Variants in KLHL14 observed in about 807,000 individuals in gnomAD.
KLHL14 encodes the protein kelch like family member 14, also known as kelch-like protein 14.
In KLHL14, 22 loss-of-function variants were observed where a neutral mutation model predicts 64.3. That is an observed-to-expected ratio of 0.34 (90% confidence interval 0.24 to 0.49). The LOEUF is 0.49. KLHL14 is among the 20% of genes least tolerant of loss of function. KLHL14 has a pLI of 0.99. For synonymous variants in KLHL14, 322 were observed against 333.4 expected (o/e 0.97, Z 0.37); for missense variants, 661 against 789.0 (o/e 0.84, Z 1.94).
chr18:32,769,980 C>T lies in KLHL14; in HGVS notation c.612G>A (p.Leu204=). Residue 204 remains leucine, a synonymous_variant, in exon 2 of 9, where the codon CTG becomes CTA. Coordinates refer to ENST00000359358, the MANE Select transcript of KLHL14 (RefSeq NM_020805.3). ...ALHGLEETKK[L]ANKYLVEDVL... is the part of the protein sequence containing the mutation. ...CATCCTCCACCAGGTACTTGTTGGC[C>T]AGCTTCTTGGTCTCCTCCAGGCCGT... The T allele has an allele frequency of 6.2e-7, 1 of 1,614,218 alleles. No homozygotes were observed. The highest frequency in any genetic ancestry group is 2.2e-5 in the East Asian group (1 of 44,878).
chr18:32,719,608 G>A (rs531153215), intron 3 of KLHL14, among the ~76,000 whole-genome samples: 4 of 152,302 alleles, frequency 2.6e-5, no homozygotes, highest in African/African-American at 9.6e-5. Flanking sequence ...TGCTTAAGCT[G>A]CTCTTGTCGT....
rs2049822620 is a variant in KLHL14, at chr18:32,678,593, G to A, written c.1589-1263C>T. Among the ~76,000 whole-genome samples, 4 of 152,128 alleles carry A rather than the reference G, an allele frequency of 2.6e-5. No homozygotes were observed. The South Asian group carries it at 8.3e-4, about 32-fold the overall frequency. On this transcript the variant is annotated intron_variant, in intron 7 of 8. Coordinates refer to ENST00000359358, the MANE Select transcript of KLHL14 (RefSeq NM_020805.3). ...TGGGCAAATTCCAGGTTCTGACCTT[G>A]GAGGCATCATTTGAAGATATATGTG...
chr18:32,728,434 CAA>C (rs1490162797), intron 3 of KLHL14, among the ~76,000 whole-genome samples: 21 of 152,268 alleles, frequency 1.4e-4, no homozygotes, highest in African/African-American at 5.1e-4. Flanking sequence ...ATTAAATTAA[CAA>C]ATGCAAGTGA....
chr18:32,707,891 T>C (rs1431624637), intron 3 of KLHL14, among the ~76,000 whole-genome samples: 1 of 152,192 alleles, frequency 6.6e-6, no homozygotes, highest in African/African-American at 2.4e-5. Context: ...GTTCTCCTAG[T>C]GAGTCACTGA....
At chr18:32,697,573 ATTATC>A (rs937609598) in intron 3 of KLHL14, among the ~76,000 whole-genome samples, 1 of 152,154 alleles carries the variant, frequency 6.6e-6, no homozygotes, top group Non-Finnish European at 1.5e-5. Flanking sequence ...GAAAAACGGT[ATTATC>A]TTTTTTTAAA....
At chr18:32,708,740 A>T (rs1424631604) in intron 3 of KLHL14, among the ~76,000 whole-genome samples, 2 of 152,094 alleles carry the variant, frequency 1.3e-5, no homozygotes. Flanking sequence ...AGCTGAAAGG[A>T]GAACACTTTC....
intron 3 of KLHL14, among the ~76,000 whole-genome samples, chr18:32,706,688 T>C (rs571764328): frequency 7.4e-4 from 113 of 152,312 alleles, no homozygotes; most frequent in African/African-American, 2.6e-3. Context: ...TCAGTCTATA[T>C]ATACAAAGAT....
chr18:32,770,299 G>GGCTGCTGCTGCTGTGACGGCT lies in KLHL14; in HGVS notation c.272_292dup (p.Gln91_Gln97dup). On this transcript the variant is annotated inframe_insertion, in exon 2 of 9. Transcript: ENST00000359358. The surrounding 1 kb of genome is among the most constrained non-coding windows in gnomAD (Gnocchi z 6.7). ...AGTCCCGGGCTCCTCCTGCGGCGGC[G>GGCTGCTGCTGCTGTGACGGCT]GCTGCTGCTGCTGTGACGGCTGCTG... The GGCTGCTGCTGCTGTGACGGCT allele has an allele frequency of 6.3e-7, 1 of 1,586,402 alleles. No individual in the cohort carries two copies. Among genetic ancestry groups the GGCTGCTGCTGCTGTGACGGCT allele is most frequent in the Non-Finnish European group, 8.6e-7 (1 of 1,166,130 alleles).
At position 32,683,716 on chromosome 18, in the gene KLHL14, T is replaced by C. The variant is rs1216878634; in HGVS notation, c.1239-3117A>G. Reference sequence around the variant, plus strand: ...AGATTAATAATAATGCGTACAAATATACTTTACACTCTGCTTATTTTGCAG... The same window carrying C: ...AGATTAATAATAATGCGTACAAATACACTTTACACTCTGCTTATTTTGCAG... On this transcript the variant is annotated intron_variant, in intron 5 of 8. Coordinates refer to ENST00000359358, the MANE Select transcript of KLHL14 (RefSeq NM_020805.3). This position sits in a 1 kb window ranked among gnomAD's most constrained non-coding sequence, Gnocchi z 4.2. Among the ~76,000 whole-genome samples the C allele has an allele frequency of 1.3e-5, 2 of 152,232 alleles. No individual in the cohort carries two copies. The highest frequency in any genetic ancestry group is 2.9e-5 in the Non-Finnish European group (2 of 68,038).
At chr18:32,754,707 C>CTT (rs2050272915) in intron 2 of KLHL14, among the ~76,000 whole-genome samples, 1 of 152,186 alleles carries the variant, frequency 6.6e-6, no homozygotes, top group South Asian at 2.1e-4. Context: ...GCCAACCAGG[C>CTT]TGTTTCCAGT....
chr18:32,716,032 ATTTTATG>A (rs2050043680), intron 3 of KLHL14, among the ~76,000 whole-genome samples: 1 of 152,300 alleles, frequency 6.6e-6, no homozygotes, highest in South Asian at 2.1e-4. Context: ...ACAGACACTA[ATTTTATG>A]TTCTCATTCT....
chr18:32,715,739 C>G (rs896886645), intron 3 of KLHL14, among the ~76,000 whole-genome samples: 2 of 152,112 alleles, frequency 1.3e-5, no homozygotes, highest in Non-Finnish European at 1.5e-5. Context: ...TCTTTCTTGT[C>G]ATCTTAACCT....
intron 3 of KLHL14, among the ~76,000 whole-genome samples, chr18:32,702,119 A>G (rs2049969100): frequency 6.6e-6 from 1 of 152,118 alleles, no homozygotes; most frequent in Admixed American, 6.6e-5. Context: ...TGTTACTTAT[A>G]ATTACATAAT....
At chr18:32,733,020 A>C (rs1211280894) in intron 3 of KLHL14, among the ~76,000 whole-genome samples, 1 of 152,206 alleles carries the variant, frequency 6.6e-6, no homozygotes, top group African/African-American at 2.4e-5. Flanking sequence ...TACAAAAAAG[A>C]GATGATCTCA....
rs764241480 is a variant in KLHL14, at chr18:32,695,524, G to A, written c.1098C>T (p.Cys366=). The A allele has an allele frequency of 6.2e-6, 10 of 1,606,974 alleles. No individual in the cohort carries two copies. Among genetic ancestry groups the A allele is most frequent in the East Asian group, 2.2e-5 (1 of 44,758 alleles). ...TIMPYNSAHH[C]VVEVENFLFV... is the part of the protein sequence containing the mutation. The stretch of plus-strand genomic sequence containing the variant: ...ACAAGAAGTTTTCCACCTCCACAAC[G>A]CAGTGGTGGGCACTGTTGTATGGCA... Residue 366 remains cysteine, a synonymous_variant, in exon 4 of 9, where the codon TGC becomes TGT. Transcript: ENST00000359358.
intron 3 of KLHL14, among the ~76,000 whole-genome samples, chr18:32,725,374 CA>C (rs1313625714): frequency 1.3e-5 from 2 of 152,094 alleles, no homozygotes; most frequent in African/African-American, 4.8e-5. Flanking sequence ...ATGGAGTAAT[CA>C]AATAGGCTCA....
chr18:32,745,529 T>C (rs1413450332), intron 2 of KLHL14: 2 of 152,184 alleles, frequency 1.3e-5, no homozygotes, highest in Non-Finnish European at 2.9e-5. Flanking sequence ...CATTTGGACA[T>C]TACAGAAAAC....
chr18:32,700,425 G>A (rs2049959745), intron 3 of KLHL14, among the ~76,000 whole-genome samples: 1 of 151,656 alleles, frequency 6.6e-6, no homozygotes, highest in Admixed American at 6.6e-5. Flanking sequence ...TCTTACCCTC[G>A]GCCCACCCTC....
chr18:32,754,423 G>A (rs2050271625), intron 2 of KLHL14, among the ~76,000 whole-genome samples: 1 of 152,124 alleles, frequency 6.6e-6, no homozygotes, highest in Non-Finnish European at 1.5e-5. Context: ...AGACACCAAG[G>A]TCACAAAATA....
Sources: gnomAD v4.1 joint callset for allele counts (sites outside exome capture counted in the v4.1 genomes callset) on GRCh38, gnomAD v4.1.1 for gene constraint, Gnocchi (gnomAD v3.1) non-coding constraint, MANE v1.5 for transcripts, NCBI Gene and HGNC (gene_info 2026-07-23, HGNC 2026-07-21) for gene names.